The following PDE4D variants were observed in gnomAD, a reference collection of about 807,000 sequenced individuals.
The protein encoded by PDE4D is phosphodiesterase 4D.
PDE4D carries 24 observed loss-of-function variants against 87.4 expected under a neutral mutation model. That is an observed-to-expected ratio of 0.27 (90% CI 0.20 to 0.39). The LOEUF is 0.39. PDE4D is among the 10% of genes least tolerant of loss of function. The pLI is 1.00. For synonymous variants in PDE4D, 384 were observed against 383.2 expected, an observed-to-expected ratio of 1.00 and a Z score of -0.02; for missense variants, 714 against 1,041.0, an observed-to-expected ratio of 0.69 and a Z score of 4.32.
intron 5 of PDE4D, among the ~76,000 whole-genome samples, chr5:59,109,007 T>C (rs1027044521): frequency 1.5e-5 from 2 of 137,646 alleles, no homozygotes; most frequent in African/African-American, 5.5e-5. Flanking sequence ...GTGTGTGGTG[T>C]AGGCCTGCCT....
At chr5:59,952,207 T>C (rs1207311866) in intron 3 of PDE4D, among the ~76,000 whole-genome samples, 1 of 152,158 alleles carries the variant, frequency 6.6e-6, no homozygotes, top group Non-Finnish European at 1.5e-5. Flanking sequence ...CCTTCCTCCA[T>C]GATTGTAAGT....
At chr5:59,591,250 T>C (rs1825876559) in intron 1 of PDE4D, among the ~76,000 whole-genome samples, 1 of 152,214 alleles carries the variant, frequency 6.6e-6, no homozygotes, top group South Asian at 2.1e-4. Flanking sequence ...AGTTTCAGTA[T>C]TTCATCCTCT....
Position 59,918,024 on chromosome 5 carries a change from T to G in PDE4D, c.272+70464A>C, listed in dbSNP as rs140369704. Among the ~76,000 whole-genome samples the G allele has an allele frequency of 3.0e-3, 450 of 152,134 alleles. 3 individuals are homozygous for G. Among genetic ancestry groups the G allele is most frequent in the African/African-American group, 9.7e-3 (401 of 41,542 alleles). ...TTGCTAAAACTAGTGACCTATAGTT[T>G]TATACTATACACAATCAATTACACA... On this transcript the variant is annotated intron_variant, in intron 3 of 16. Transcript: ENST00000502484.
chr5:60,445,567 A>G (rs1014598573), intron 1 of PDE4D, among the ~76,000 whole-genome samples: 10 of 152,154 alleles, frequency 6.6e-5, no homozygotes, highest in Admixed American at 6.6e-5. Flanking sequence ...TGATGAAGTC[A>G]TTTCTAAACT....
At chr5:59,116,356 T>A (rs1235676923) in intron 5 of PDE4D, among the ~76,000 whole-genome samples, 1 of 151,950 alleles carries the variant, frequency 6.6e-6, no homozygotes, top group African/African-American at 2.4e-5. Flanking sequence ...TACAAACGAA[T>A]TTTTTTTGCC....
intron 1 of PDE4D, among the ~76,000 whole-genome samples, chr5:59,485,963 A>G (rs1006429935): frequency 2.0e-5 from 3 of 152,098 alleles, no homozygotes; most frequent in Non-Finnish European, 2.9e-5. Flanking sequence ...ACTTTGAAAT[A>G]TTGGGAAAAG....
intron 1 of PDE4D, among the ~76,000 whole-genome samples, chr5:60,287,531 C>A (rs1318971407): frequency 1.3e-5 from 2 of 152,158 alleles, no homozygotes; most frequent in African/African-American, 2.4e-5. Context: ...AGGAAGTAAT[C>A]AGCAAATGTA....
rs550524152 is a variant in PDE4D, at chr5:60,476,565, C to T, written c.-90+11377G>A. Among the ~76,000 whole-genome samples, 11 of 152,336 alleles carry T rather than the reference C, an allele frequency of 7.2e-5. 1 individual carries two copies. The highest frequency in any genetic ancestry group is 2.4e-4 in the African/African-American group (10 of 41,578). ...GCCATGGCACTTAGAAAGAATGTAA[C>T]GAGCTTACTGTTGTCTACAAAGGCC... On this transcript the variant is annotated intron_variant, in intron 1 of 16. Transcript: ENST00000502484.
intron 2 of PDE4D, among the ~76,000 whole-genome samples, chr5:60,130,893 T>C (rs1779507353): frequency 6.6e-6 from 1 of 152,246 alleles, no homozygotes; most frequent in African/African-American, 2.4e-5. Context: ...AAGACTTATA[T>C]GACTTGTCTA....
chr5:59,384,198 G>A (rs1026673739), intron 1 of PDE4D, among the ~76,000 whole-genome samples: 4 of 152,096 alleles, frequency 2.6e-5, no homozygotes, highest in South Asian at 2.1e-4. Flanking sequence ...GAGCCACTGC[G>A]CCAAGCCCTA....
At chr5:59,849,201 A>G (rs1172787991) in intron 1 of PDE4D, among the ~76,000 whole-genome samples, 1 of 152,048 alleles carries the variant, frequency 6.6e-6, no homozygotes. Flanking sequence ...TTTGGTTTAA[A>G]TAGTCATCTG....
intron 1 of PDE4D, among the ~76,000 whole-genome samples, chr5:59,757,128 GCTACATACTTGAAATA>G (rs1220988829): frequency 6.6e-6 from 1 of 152,066 alleles, no homozygotes; most frequent in Non-Finnish European, 1.5e-5. Context: ...TTACAGTCCA[GCTACATACTTGAAATA>G]CAAACATGAA....
chr5:60,515,310 T>A (rs1734744337), intron 1 of PDE4D, among the ~76,000 whole-genome samples: 1 of 152,178 alleles, frequency 6.6e-6, no homozygotes, highest in South Asian at 2.1e-4. Flanking sequence ...AAATAAAGAC[T>A]GTTGACCCTT....
intron 1 of PDE4D, among the ~76,000 whole-genome samples, chr5:60,467,572 G>A (rs153067): frequency 0.44 from 66,391 of 152,000 alleles, 15,750 homozygotes; most frequent in African/African-American, 0.62. Flanking sequence ...TAAAAGCCAT[G>A]CTTACACTGG....
At chr5:59,037,778 C>T (rs967052595) in intron 6 of PDE4D, among the ~76,000 whole-genome samples, 1 of 151,732 alleles carries the variant, frequency 6.6e-6, no homozygotes, top group Admixed American at 6.6e-5. Flanking sequence ...GCTGTTATGC[C>T]GTGGCCTTTT....
chr5:60,108,188 A>C (rs1471484455), intron 2 of PDE4D, among the ~76,000 whole-genome samples: 5 of 151,814 alleles, frequency 3.3e-5, no homozygotes. Flanking sequence ...AATGTACAAA[A>C]ATCACAAGCA....
chr5:59,531,974 T>G (rs1399942097), intron 1 of PDE4D, among the ~76,000 whole-genome samples: 1 of 152,228 alleles, frequency 6.6e-6, no homozygotes, highest in South Asian at 2.1e-4. Context: ...ATTTGTTTGA[T>G]TCACTGTTAT....
At chr5:59,220,584 G>A (rs969386360) in intron 1 of PDE4D, among the ~76,000 whole-genome samples, 1 of 152,074 alleles carries the variant, frequency 6.6e-6, no homozygotes, top group Non-Finnish European at 1.5e-5. Flanking sequence ...TAGGTAGTAA[G>A]TTAACTGAGA....
At chr5:60,439,931 A>AAC (rs202214870) in intron 1 of PDE4D, among the ~76,000 whole-genome samples, 39,079 of 149,626 alleles carry the variant, frequency 0.26, 5,917 homozygotes, top group African/African-American at 0.43. Flanking sequence ...AAAAAAACAA[A>AAC]AAAAAAAAAC....
Sources: gnomAD v4.1 joint callset for allele counts (sites outside exome capture counted in the v4.1 genomes callset) on GRCh38, gnomAD v4.1.1 for gene constraint, MANE v1.5 for transcripts, NCBI Gene and HGNC (gene_info 2026-07-23, HGNC 2026-07-21) for gene names.